The following ACO2 variants were observed in gnomAD, a reference collection of about 807,000 sequenced individuals.
The protein encoded by ACO2 is aconitase 2, also known as aconitate hydratase, mitochondrial.
ACO2 carries 31 observed loss-of-function variants against 84.5 expected under a neutral mutation model. The observed-to-expected ratio is 0.37, with a 90% CI of 0.28 to 0.50. The LOEUF (loss-of-function observed/expected upper bound fraction) is 0.50. Among genes scored for constraint, ACO2 ranks in the 20% least tolerant of loss-of-function variants. ACO2 has a pLI of 0.97. For missense variants in ACO2, 685 were observed against 1,029.3 expected (o/e 0.67, Z 4.58); for synonymous variants, 414 against 412.7 (o/e 1.00, Z -0.04).
In ACO2 at chr22:41,499,164, A is replaced by G. The variant is rs951309270; in HGVS notation, c.37-562A>G. ...ATGAGGAAACATCCAAAGCTCACGCACAGGGTTTTCCTCATTCATTCTTCC... is the reference window on the plus strand; with the variant it reads ...ATGAGGAAACATCCAAAGCTCACGCGCAGGGTTTTCCTCATTCATTCTTCC... On this transcript the variant is annotated intron_variant, in intron 1 of 17. Coordinates refer to ENST00000216254, the MANE Select transcript of ACO2 (RefSeq NM_001098.3). 3.3e-5 allele frequency among the ~76,000 whole-genome samples: 5 copies of G among 151,956 alleles called. No homozygotes were observed. In the South Asian group the frequency reaches 1.0e-3, roughly 32 times the overall value.
chr22:41,519,716 A>G (rs980813016), intron 8 of ACO2, among the ~76,000 whole-genome samples: 3 of 152,026 alleles, frequency 2.0e-5, no homozygotes, highest in African/African-American at 4.8e-5. Context: ...GCTGAGGCAG[A>G]AGAATGGTGT....
chr22:41,515,000 C>T (rs976766288), intron 4 of ACO2, among the ~76,000 whole-genome samples: 7 of 152,220 alleles, frequency 4.6e-5, no homozygotes, highest in Admixed American at 2.0e-4. Flanking sequence ...GGGGATGCTC[C>T]ACACCCAGGA....
rs761419099 is a variant in ACO2, at chr22:41,520,154, C to T, written c.1033-17C>T. ...TTCCCTCCTCTCTTTCTTCTCCTTG[C>T]ATGTTTGTTTCTTCAGCTGAAGCCA... On this transcript the variant is annotated splice_polypyrimidine_tract_variant and intron_variant, in intron 8 of 17. Transcript: ENST00000216254. 7.5e-6 allele frequency: 12 copies of T among 1,603,514 alleles called. No individual in the cohort carries two copies. Among genetic ancestry groups the T allele is most frequent in the Non-Finnish European group, 9.4e-6 (11 of 1,171,416 alleles).
chr22:41,511,753 G>T (rs1024256611), intron 3 of ACO2, 123 bp from the exon 4 acceptor site: 4 of 643,700 alleles, frequency 6.2e-6, no homozygotes, highest in Non-Finnish European at 1.0e-5. Context: ...CTAAGAGAGG[G>T]CCTGTCTCCA....
intron 1 of ACO2, among the ~76,000 whole-genome samples, chr22:41,477,727 C>T (rs191397907): frequency 3.9e-4 from 60 of 152,192 alleles, no homozygotes; most frequent in Non-Finnish European, 7.6e-4. Flanking sequence ...AGATGGCCCG[C>T]GGCATCCATC....
At chr22:41,491,508 C>G (rs1282084874) in intron 1 of ACO2, among the ~76,000 whole-genome samples, 1 of 152,112 alleles carries the variant, frequency 6.6e-6, no homozygotes. Context: ...AGAAGGGGGT[C>G]AGGAATGCCA....
intron 1 of ACO2, among the ~76,000 whole-genome samples, chr22:41,491,481 A>G (rs2066270822): frequency 6.6e-6 from 1 of 152,220 alleles, no homozygotes; most frequent in South Asian, 2.1e-4. Flanking sequence ...AACAGTGCAG[A>G]GCAGCTGGAA....
At chr22:41,523,009 C>T (rs2066539425) in intron 10 of ACO2, 22 bp downstream of exon 10, 3 of 1,612,594 alleles carry the variant, frequency 1.9e-6, no homozygotes, top group East Asian at 2.2e-5. Flanking sequence ...TATCCCCCTG[C>T]CCATCTCCCC....
intron 9 of ACO2, among the ~76,000 whole-genome samples, chr22:41,520,982 TG>T (rs1283732184): frequency 1.5e-5 from 2 of 131,208 alleles, no homozygotes; most frequent in African/African-American, 3.1e-5. Context: ...CATTCCAGCC[TG>T]GGCAACAAAG....
rs1255532998 is a variant in ACO2 at position 41,515,135 on chromosome 22, C to CA, written c.526-239dup. On this transcript the variant is annotated intron_variant, in intron 4 of 17. Coordinates refer to ENST00000216254, the MANE Select transcript of ACO2 (RefSeq NM_001098.3). This position sits in a 1 kb window ranked among gnomAD's most constrained non-coding sequence, Gnocchi z 5.8. ...GGAAACTGAGGCATGGGGCAGCATTCAAAGGCCCAAGACATATAGCAGGAA... is the reference window on the plus strand; with the variant it reads ...GGAAACTGAGGCATGGGGCAGCATTCAAAAGGCCCAAGACATATAGCAGGAA... Among the ~76,000 whole-genome samples, 2 of 152,214 alleles carry CA rather than the reference C, an allele frequency of 1.3e-5. No homozygotes were observed. The highest frequency in any genetic ancestry group is 2.9e-5 in the Non-Finnish European group (2 of 68,040).
chr22:41,492,526 T>C (rs2066279103), intron 1 of ACO2, among the ~76,000 whole-genome samples: 1 of 151,964 alleles, frequency 6.6e-6, no homozygotes, highest in Non-Finnish European at 1.5e-5. Flanking sequence ...ATAATCCGAA[T>C]ACTTTGAGAG....
At chr22:41,489,276 T>C (rs1047885043) in intron 1 of ACO2, among the ~76,000 whole-genome samples, 3 of 152,110 alleles carry the variant, frequency 2.0e-5, no homozygotes, top group Admixed American at 6.6e-5. Context: ...ACTCCTGGGC[T>C]CAAACCATCC....
At chr22:41,525,993 T>C (rs1260997157) in intron 14 of ACO2, 2 of 397,806 alleles carry the variant, frequency 5.0e-6, no homozygotes, top group African/African-American at 2.0e-5. Flanking sequence ...TGAGCGAACA[T>C]TGACCTGTCC....
chr22:41,528,513 C>T lies in ACO2; in HGVS notation c.2243C>T (p.Thr748Ile). 1 of 1,612,694 alleles carries T rather than the reference C, an allele frequency of 6.2e-7. No homozygotes were observed. Among genetic ancestry groups the T allele is most frequent in the Non-Finnish European group, 8.5e-7 (1 of 1,180,036 alleles). The change falls in exon 18 of 18, where the codon ACC becomes ATC. Residue 748 changes from threonine (T) to isoleucine (I), a missense_variant. Transcript: ENST00000216254. ...TGCATCATCAAGCACCCCAACGGGA[C>T]CCAGGAGACCATCCTCCTGAACCAC... The part of the protein sequence containing the change: ...LKCIIKHPNG[T>I]QETILLNHTF...
At chr22:41,526,570 G>T in intron 15 of ACO2, 117 bp downstream of exon 15, 1 of 1,191,554 alleles carries the variant, frequency 8.4e-7, no homozygotes, top group Non-Finnish European at 1.2e-6. Context: ...CAAGCCCAAA[G>T]GGGACTGCTG....
intron 1 of ACO2, among the ~76,000 whole-genome samples, chr22:41,489,157 C>A (rs1442076079): frequency 6.6e-6 from 1 of 152,138 alleles, no homozygotes; most frequent in East Asian, 1.9e-4. Flanking sequence ...GTCCTTCCAT[C>A]TCAGCATCTC....
Position 41,499,735 on chromosome 22 carries a change from G to A in ACO2, c.46G>A (p.Gly16Ser), listed in dbSNP as rs2066340271. The A allele has an allele frequency of 1.2e-6, 2 of 1,612,622 alleles. No individual in the cohort carries two copies. The highest frequency in any genetic ancestry group is 2.2e-5 in the East Asian group (1 of 44,876). The change falls in exon 2 of 18, where the codon GGT becomes AGT. Residue 16 changes from glycine (G) to serine (S), a missense_variant. Physicochemically the swap from Gly to Ser is moderately conservative, Grantham distance 56 (BLOSUM62 0). Transcript: ENST00000216254. Reference protein sequence around the residue: ...LLVTRLQKALGVRQYHVASVL... With the variant: ...LLVTRLQKALSVRQYHVASVL... The stretch of plus-strand genomic sequence containing the variant: ...ATGTTTCTTCTTGCAGAAAGCTCTG[G>A]GTGTGCGGCAGTACCATGTGGCCTC...
intron 3 of ACO2, among the ~76,000 whole-genome samples, chr22:41,508,944 A>C (rs975818031): frequency 6.6e-6 from 1 of 152,106 alleles, no homozygotes; most frequent in African/African-American, 2.4e-5. Context: ...TCCCAGCCCC[A>C]TGGGAAACAC....
intron 15 of ACO2, 46 bp from the exon 16 acceptor site, chr22:41,527,242 C>T (rs768954352): frequency 1.2e-5 from 19 of 1,613,508 alleles, no homozygotes; most frequent in Admixed American, 1.7e-5. Context: ...CAGGTGAGGA[C>T]GGTGCCCTCC....
Sources: allele counts gnomAD v4.1 joint callset (sites outside exome capture counted in the v4.1 genomes callset), GRCh38; gene constraint gnomAD v4.1.1; non-coding constraint Gnocchi (gnomAD v3.1); transcripts MANE v1.5; gene names NCBI Gene and HGNC (gene_info 2026-07-23, HGNC 2026-07-21).